The following TSBP1 variants were observed in gnomAD, a reference collection of about 807,000 sequenced individuals.
The protein encoded by TSBP1 is testis expressed basic protein 1.
Under a neutral mutation model 68.8 loss-of-function variants are expected in TSBP1, and 56 were observed. The observed-to-expected ratio is 0.81, with a 90% CI of 0.66 to 1.02. The LOEUF (loss-of-function observed/expected upper bound fraction) is 1.02, where lower values mean the gene tolerates loss of function less well. TSBP1 is among the 50% of genes least tolerant of loss of function. TSBP1 has a pLI of 0.00. For missense variants in TSBP1, 502 were observed against 641.2 expected, an observed-to-expected ratio of 0.78 and a Z score of 2.34; for synonymous variants, 171 against 208.7, an observed-to-expected ratio of 0.82 and a Z score of 1.56.
intron 8 of TSBP1, among the ~76,000 whole-genome samples, chr6:32,353,598 G>A (rs1771946119): frequency 1.3e-5 from 2 of 151,676 alleles, no homozygotes; most frequent in African/African-American, 4.8e-5. Context: ...TCAAAGAATA[G>A]CCAACACATT....
chr6:32,363,751 A>G (rs1209479630), intron 6 of TSBP1, among the ~76,000 whole-genome samples: 1 of 152,066 alleles, frequency 6.6e-6, no homozygotes, highest in Admixed American at 6.5e-5. Context: ...TAACTTTTAT[A>G]TTAGCATTAA....
At chr6:32,296,583 T>A (rs914098219) in intron 22 of TSBP1, among the ~76,000 whole-genome samples, 1 of 152,176 alleles carries the variant, frequency 6.6e-6, no homozygotes, top group African/African-American at 2.4e-5. Context: ...GTGGACACTG[T>A]TTTGTTTTGT....
chr6:32,295,342 A>C (rs1458173063), intron 22 of TSBP1, among the ~76,000 whole-genome samples: 1 of 82,454 alleles, frequency 1.2e-5, no homozygotes, highest in Non-Finnish European at 2.5e-5. Context: ...TCTCACACAC[A>C]CACACACAAA....
In TSBP1 at chr6:32,302,656, T is replaced by A; in HGVS notation, c.581-27A>T. 6.5e-7 allele frequency: 1 copy of A among 1,529,410 alleles called. No individual in the cohort carries two copies. Among genetic ancestry groups the A allele is most frequent in the Non-Finnish European group, 8.8e-7 (1 of 1,135,552 alleles). 94.7% of individuals were successfully genotyped at this position (1,529,410 alleles called of 1,614,324 possible). On this transcript the variant is annotated intron_variant, in intron 19 of 22. Transcript: ENST00000612031. The surrounding 1 kb of genome is among the most constrained non-coding windows in gnomAD (Gnocchi z 5.1). ...TGAAAATCAAAACAAGAAAATAGGT[T>A]AATGGCAGCATTTTTGGAACAGAAG...
rs117286319 is a variant in TSBP1, at chr6:32,311,447, A to G, written c.580+4325T>C. 6.7e-3 allele frequency among the ~76,000 whole-genome samples: 1,017 copies of G among 152,238 alleles called. 17 individuals carry two copies. Among genetic ancestry groups the G allele is most frequent in the East Asian group, 0.02 (103 of 5,190 alleles). On this transcript the variant is annotated intron_variant, in intron 19 of 22. Coordinates refer to ENST00000612031, the Ensembl canonical transcript of TSBP1. ...GAGGAAAAAGAGGTTATAACTTCCC[A>G]TTACCCTCCTCAGCAAACTGAGGTG...
intron 9 of TSBP1, among the ~76,000 whole-genome samples, chr6:32,347,057 A>G (rs1055637864): frequency 1.3e-5 from 2 of 152,208 alleles, no homozygotes; most frequent in African/African-American, 2.4e-5. Context: ...TCATTCTACA[A>G]TGTATACATA....
chr6:32,370,110 C>T (rs888096489), intron 1 of TSBP1, 127 bp from the exon 2 acceptor site: 1 of 670,416 alleles, frequency 1.5e-6, no homozygotes, highest in Non-Finnish European at 2.7e-6. Flanking sequence ...TACTTCAACT[C>T]CTTTATTCTT....
chr6:32,295,403 G>A (rs1460045023), intron 22 of TSBP1, among the ~76,000 whole-genome samples: 1 of 151,092 alleles, frequency 6.6e-6, no homozygotes, highest in Non-Finnish European at 1.5e-5. Flanking sequence ...TGCTAGCTGG[G>A]TTTAATGGGT....
chr6:32,361,931 A>C lies in TSBP1; in HGVS notation c.217+4236T>G, dbSNP rs1390300259. ...TGATTATATCATGAGGGTTCTACCC[A>C]CATAAATGGATTAATCCACTAATGG... is the stretch of plus-strand genomic sequence containing the variant. On this transcript the variant is annotated intron_variant, in intron 6 of 22. Coordinates refer to ENST00000612031, the Ensembl canonical transcript of TSBP1. This position sits in a 1 kb window ranked among gnomAD's most constrained non-coding sequence, Gnocchi z 4.3. Among the ~76,000 whole-genome samples, 1 of 152,162 alleles carries C rather than the reference A, an allele frequency of 6.6e-6. No homozygotes were observed. Among genetic ancestry groups the C allele is most frequent in the African/African-American group, 2.4e-5 (1 of 41,436 alleles).
At position 32,292,764 on chromosome 6, in the gene TSBP1, A is replaced by G. The variant is rs1035694189; in HGVS notation, c.*217T>C. On this transcript the variant is annotated 3_prime_UTR_variant, in exon 23 of 23. Transcript: ENST00000612031. This position sits in a 1 kb window ranked among gnomAD's most constrained non-coding sequence, Gnocchi z 4.1. Reference sequence around the variant, plus strand: ...GTATCCAGTCTTTCTTGACGGAATCATATACGTCTTAACTTATAAAACAAA... The same window carrying G: ...GTATCCAGTCTTTCTTGACGGAATCGTATACGTCTTAACTTATAAAACAAA... 22 of 507,588 alleles carry G rather than the reference A, an allele frequency of 4.3e-5. No homozygotes were observed. Among genetic ancestry groups the G allele is most frequent in the Admixed American group, 1.5e-4 (4 of 26,686 alleles). The allele number at this position is 507,588 out of a possible 1,614,324, so 31.4% of individuals were successfully genotyped here.
chr6:32,349,293 G>A (rs184727569), intron 9 of TSBP1, among the ~76,000 whole-genome samples: 1 of 151,978 alleles, frequency 6.6e-6, no homozygotes, highest in Admixed American at 6.6e-5. Flanking sequence ...GCAGCTCAGG[G>A]GGATAGGGAA....
chr6:32,342,374 G>A (rs964481009), intron 9 of TSBP1, among the ~76,000 whole-genome samples: 1 of 151,964 alleles, frequency 6.6e-6, no homozygotes, highest in Non-Finnish European at 1.5e-5. Flanking sequence ...GGCTGGTCTC[G>A]AACTCCTGAC....
chr6:32,338,284 ACT>A lies in TSBP1; in HGVS notation c.409+693_409+694del. Among the ~76,000 whole-genome samples the A allele has an allele frequency of 1.3e-5, 2 of 152,166 alleles. No homozygotes were observed. The highest frequency in any genetic ancestry group is 3.9e-4 in the East Asian group (2 of 5,186). On this transcript the variant is annotated intron_variant, in intron 11 of 22. Transcript: ENST00000612031. The surrounding 1 kb of genome is among the most constrained non-coding windows in gnomAD (Gnocchi z 5.5). ...AGGTCGGGGTGGGCAATAGGCTGAG[ACT>A]CTGCATATCTAAAACTCCAGGGTGA...
At chr6:32,293,322 G>C in exon 23 of TSBP1, 2 of 1,612,532 alleles carry the variant, frequency 1.2e-6, no homozygotes, top group Non-Finnish European at 1.7e-6. Flanking sequence ...GGTCCTTTCA[G>C]TACACCTGCC....
intron 17 of TSBP1, chr6:32,323,349 G>A: frequency 1.5e-6 from 1 of 684,702 alleles, no homozygotes; most frequent in South Asian, 1.7e-5. Flanking sequence ...ATGAGGTAAT[G>A]TAATTAAAGC....
chr6:32,330,915 T>G (rs1417874853), intron 15 of TSBP1, among the ~76,000 whole-genome samples: 3 of 152,084 alleles, frequency 2.0e-5, no homozygotes, highest in Admixed American at 1.3e-4. Flanking sequence ...AGGTGATCCT[T>G]GGCCTCCCAA....
exon 23 of TSBP1, chr6:32,293,237 C>G (rs7751028): frequency 1.9e-6 from 3 of 1,611,962 alleles, no homozygotes; most frequent in Non-Finnish European, 2.5e-6. Context: ...TTTTAGTACA[C>G]CTGACTCACT....
chr6:32,336,595 A>G lies in TSBP1; in HGVS notation c.430+20T>C, dbSNP rs1289014646. 6.2e-7 allele frequency: 1 copy of G among 1,609,880 alleles called. No homozygotes were observed. The highest frequency in any genetic ancestry group is 8.5e-7 in the Non-Finnish European group (1 of 1,177,102). On this transcript the variant is annotated intron_variant, in intron 12 of 22. Transcript: ENST00000612031. This position sits in a 1 kb window ranked among gnomAD's most constrained non-coding sequence, Gnocchi z 5.2. Reference sequence around the variant, plus strand: ...CAGATATCAAAGGGACCAGAGTGGAAAAACAAACTTGATACTTACGAATAG... The same window carrying G: ...CAGATATCAAAGGGACCAGAGTGGAGAAACAAACTTGATACTTACGAATAG...
At position 32,324,223 on chromosome 6, in the gene TSBP1, T is replaced by C. The variant is rs564304514; in HGVS notation, c.515-609A>G. 4.3e-4 allele frequency among the ~76,000 whole-genome samples: 65 copies of C among 152,300 alleles called. 1 individual carries two copies. Among genetic ancestry groups the C allele is most frequent in the African/African-American group, 1.1e-3 (46 of 41,564 alleles). On this transcript the variant is annotated intron_variant, in intron 16 of 22. Coordinates refer to ENST00000612031, the Ensembl canonical transcript of TSBP1. ...ATCCTCTAAAGTCTCTAAAAGGTGA[T>C]ACAAATTTTTCTTAGATGTTTTGGA...
Sources: gnomAD v4.1 joint callset for allele counts (sites outside exome capture counted in the v4.1 genomes callset) on GRCh38, gnomAD v4.1.1 for gene constraint, Gnocchi (gnomAD v3.1) non-coding constraint, MANE v1.5 for transcripts, NCBI Gene and HGNC (gene_info 2026-07-23, HGNC 2026-07-21) for gene names.